CNTN4: variants seen among roughly 807,000 people sequenced by gnomAD.
CNTN4 encodes contactin 4, also known as contactin-4.
In CNTN4, 77 loss-of-function variants were observed where a neutral mutation model predicts 122.5. The ratio of observed to expected loss-of-function variants is 0.63; its 90% CI spans 0.52 to 0.76. The LOEUF is 0.76. Among genes scored for constraint, CNTN4 ranks in the 30% least tolerant of loss-of-function variants. The probability of loss-of-function intolerance (pLI) is 0.00; values close to 1 mark genes in which losing one functional copy is unlikely to be tolerated. For missense variants in CNTN4, 1,256 were observed against 1,259.1 expected (o/e 1.00, Z 0.04); for synonymous variants, 512 against 447.0 (o/e 1.15, Z -1.83).
At chr3:2,607,048 A>G (rs890038840) in intron 4 of CNTN4, among the ~76,000 whole-genome samples, 2 of 152,138 alleles carry the variant, frequency 1.3e-5, no homozygotes, top group Admixed American at 6.5e-5. Flanking sequence ...GACACATTTA[A>G]TCTTCTTTCT....
chr3:2,431,817 T>G (rs922242042), intron 3 of CNTN4, among the ~76,000 whole-genome samples: 2 of 152,194 alleles, frequency 1.3e-5, no homozygotes, highest in African/African-American at 4.8e-5. Context: ...GAAGGAATTT[T>G]TGCACCAACA....
chr3:2,368,126 G>A (rs2045479202), intron 3 of CNTN4, among the ~76,000 whole-genome samples: 1 of 147,572 alleles, frequency 6.8e-6, no homozygotes, highest in African/African-American at 2.5e-5. Flanking sequence ...TCTGCCTCCT[G>A]GGTTCATGCC....
At chr3:2,239,274 T>C (rs1406857050) in intron 2 of CNTN4, among the ~76,000 whole-genome samples, 1 of 152,196 alleles carries the variant, frequency 6.6e-6, no homozygotes, top group East Asian at 1.9e-4. Context: ...GTTTGATTTA[T>C]GCGGACGATC....
At chr3:2,960,435 T>C (rs559922217) in intron 13 of CNTN4, among the ~76,000 whole-genome samples, 8 of 152,290 alleles carry the variant, frequency 5.3e-5, no homozygotes, top group Middle Eastern at 6.8e-3. Context: ...ACTGTCTCTC[T>C]CAAAATCAAA....
At chr3:2,399,064 C>T (rs889258183) in intron 3 of CNTN4, among the ~76,000 whole-genome samples, 1 of 151,802 alleles carries the variant, frequency 6.6e-6, no homozygotes, top group Non-Finnish European at 1.5e-5. Context: ...TTGGTCCAAC[C>T]CAGTCATTAA....
At chr3:2,692,631 G>A (rs755909756) in intron 4 of CNTN4, among the ~76,000 whole-genome samples, 9 of 151,946 alleles carry the variant, frequency 5.9e-5, no homozygotes, top group Non-Finnish European at 8.8e-5. Context: ...AAATTATTTC[G>A]TAAATATTTT....
chr3:2,592,225 G>A (rs78061290), intron 4 of CNTN4, among the ~76,000 whole-genome samples: 209 of 152,216 alleles, frequency 1.4e-3, no homozygotes, highest in African/African-American at 4.7e-3. Context: ...TATTGTCTTG[G>A]CTTTGCCTCA....
intron 3 of CNTN4, among the ~76,000 whole-genome samples, chr3:2,553,916 T>C (rs755831771): frequency 6.6e-6 from 1 of 152,172 alleles, no homozygotes; most frequent in Non-Finnish European, 1.5e-5. Context: ...ACTGTATGAA[T>C]TAACAACTAA....
chr3:2,722,116 C>T (rs933678358), intron 4 of CNTN4, among the ~76,000 whole-genome samples: 35 of 152,218 alleles, frequency 2.3e-4, no homozygotes, highest in Admixed American at 6.5e-5. Flanking sequence ...TTTGTTAAAG[C>T]AACCTGAACA....
intron 3 of CNTN4, among the ~76,000 whole-genome samples, chr3:2,463,544 G>A (rs2075391039): frequency 6.6e-6 from 1 of 152,174 alleles, no homozygotes; most frequent in South Asian, 2.1e-4. Context: ...TGGATCACCT[G>A]AGGTCAGGAG....
intron 19 of CNTN4, 151 bp downstream of exon 19, chr3:3,039,154 G>T (rs1699907723): frequency 2.8e-6 from 2 of 715,446 alleles, no homozygotes; most frequent in Admixed American, 2.1e-5. Context: ...GTAGCTAATG[G>T]CTAGCAGGAA....
intron 2 of CNTN4, among the ~76,000 whole-genome samples, chr3:2,331,774 G>C (rs1365519582): frequency 6.6e-6 from 1 of 152,118 alleles, no homozygotes; most frequent in Non-Finnish European, 1.5e-5. Flanking sequence ...CGAGTTTTGG[G>C]TTGAATGAAG....
intron 8 of CNTN4, among the ~76,000 whole-genome samples, chr3:2,874,394 A>T (rs114257083): frequency 2.0e-5 from 3 of 152,318 alleles, no homozygotes; most frequent in African/African-American, 7.2e-5. Context: ...TAATACATTT[A>T]TAGAGGGACT....
At position 2,651,992 on chromosome 3, in the gene CNTN4, C is replaced by T. The variant is rs557431405; in HGVS notation, c.55+80434C>T. On this transcript the variant is annotated intron_variant, in intron 4 of 24. Coordinates refer to ENST00000418658, the MANE Select transcript of CNTN4 (RefSeq NM_175607.3). ...AAAGTGCTGGGATTATAGGTGTGAC[C>T]CACCGCACCTGGCCAAAAAAAAGGT... Among the ~76,000 whole-genome samples, 77 of 151,598 alleles carry T rather than the reference C, an allele frequency of 5.1e-4. 1 individual carries two copies. Among genetic ancestry groups the T allele is most frequent in the African/African-American group, 1.8e-3 (76 of 41,380 alleles).
At chr3:2,496,005 G>C (rs1231775222) in intron 3 of CNTN4, among the ~76,000 whole-genome samples, 24 of 152,208 alleles carry the variant, frequency 1.6e-4, no homozygotes, top group Non-Finnish European at 2.9e-5. Context: ...CCAGATGATA[G>C]ATTTATGCAC....
In CNTN4 at chr3:2,304,782, G is replaced by A. The variant is rs566858909; in HGVS notation, c.-144-34396G>A. Among the ~76,000 whole-genome samples the A allele has an allele frequency of 2.2e-3, 324 of 150,286 alleles. 1 individual carries two copies. Among genetic ancestry groups the A allele is most frequent in the African/African-American group, 7.6e-3 (310 of 41,058 alleles). On this transcript the variant is annotated intron_variant, in intron 2 of 24. Coordinates refer to ENST00000418658, the MANE Select transcript of CNTN4 (RefSeq NM_175607.3). Reference sequence around the variant, plus strand: ...CAATGGAGACATAAATTACAATGGAGCTTTTTCCATTGTAATTTATGTCTC... The same window carrying A: ...CAATGGAGACATAAATTACAATGGAACTTTTTCCATTGTAATTTATGTCTC...
chr3:2,770,491 A>C (rs1037577732), intron 6 of CNTN4, among the ~76,000 whole-genome samples: 4 of 152,220 alleles, frequency 2.6e-5, no homozygotes, highest in Non-Finnish European at 4.4e-5. Context: ...ATTGTTATAA[A>C]ATCCCTCATC....
intron 2 of CNTN4, among the ~76,000 whole-genome samples, chr3:2,309,607 A>C (rs930788644): frequency 6.6e-6 from 1 of 152,134 alleles, no homozygotes; most frequent in Non-Finnish European, 1.5e-5. Flanking sequence ...CAGATGTATT[A>C]TACCCTGTTT....
chr3:2,747,128 G>A (rs1486191771), intron 6 of CNTN4, among the ~76,000 whole-genome samples: 1 of 151,518 alleles, frequency 6.6e-6, no homozygotes, highest in South Asian at 2.1e-4. Context: ...TATTGTATCT[G>A]GGCCAGCGCG....
Sources: allele counts gnomAD v4.1 joint callset (sites outside exome capture counted in the v4.1 genomes callset), GRCh38; gene constraint gnomAD v4.1.1; transcripts MANE v1.5; gene names NCBI Gene and HGNC (gene_info 2026-07-23, HGNC 2026-07-21).